STXBP5L: variants seen among roughly 807,000 people sequenced by gnomAD.
STXBP5L encodes the protein syntaxin-binding protein 5-like.
In STXBP5L, 65 loss-of-function variants were observed where a neutral mutation model predicts 144.5. The observed-to-expected ratio is 0.45, with a 90% CI of 0.37 to 0.55. The LOEUF (loss-of-function observed/expected upper bound fraction) is 0.55, where lower values mean the gene tolerates loss of function less well. Among genes scored for constraint, STXBP5L ranks in the 20% least tolerant of loss-of-function variants. The pLI, the probability that STXBP5L is intolerant of heterozygous loss-of-function variation, is 0.00. For missense variants in STXBP5L, 1,298 were observed against 1,405.5 expected (o/e 0.92, Z 1.22); for synonymous variants, 505 against 469.6 (o/e 1.08, Z -0.97).
At chr3:120,987,550 C>A (rs746276655) in intron 3 of STXBP5L, among the ~76,000 whole-genome samples, 1 of 151,212 alleles carries the variant, frequency 6.6e-6, no homozygotes, top group Admixed American at 6.6e-5. Context: ...CATTTATTTT[C>A]TTTCATTTCT....
At chr3:121,210,817 T>C (rs1339553509) in intron 10 of STXBP5L, among the ~76,000 whole-genome samples, 1 of 152,264 alleles carries the variant, frequency 6.6e-6, no homozygotes, top group Non-Finnish European at 1.5e-5. Flanking sequence ...AGTACCATGC[T>C]GTTTTGGTTA....
intron 7 of STXBP5L, among the ~76,000 whole-genome samples, chr3:121,136,998 G>A (rs2045286897): frequency 6.6e-6 from 1 of 152,160 alleles, no homozygotes; most frequent in Admixed American, 6.5e-5. Context: ...AATACTCCAT[G>A]TGCTCCTTAT....
intron 3 of STXBP5L, among the ~76,000 whole-genome samples, chr3:120,996,620 A>T (rs984625391): frequency 6.6e-6 from 1 of 152,102 alleles, no homozygotes; most frequent in Non-Finnish European, 1.5e-5. Flanking sequence ...CCATTTTCCC[A>T]GCCTCCTTGG....
intron 9 of STXBP5L, among the ~76,000 whole-genome samples, chr3:121,180,655 A>T (rs2047104931): frequency 6.6e-6 from 1 of 152,190 alleles, no homozygotes; most frequent in Non-Finnish European, 1.5e-5. Flanking sequence ...CAGGTGGATC[A>T]CTTGAGTTCA....
At chr3:121,395,491 C>A (rs919434713) in intron 22 of STXBP5L, among the ~76,000 whole-genome samples, 3 of 151,922 alleles carry the variant, frequency 2.0e-5, no homozygotes, top group Non-Finnish European at 4.4e-5. Flanking sequence ...AATATTCTTG[C>A]ATTTTTTTCT....
At chr3:121,332,341 GA>G (rs913816432) in intron 20 of STXBP5L, among the ~76,000 whole-genome samples, 14 of 90,174 alleles carry the variant, frequency 1.6e-4, no homozygotes, top group South Asian at 3.3e-4. Context: ...AAACTAACAT[GA>G]AAAAAAATTT....
At chr3:121,294,218 A>AAT (rs1264453490) in intron 19 of STXBP5L, among the ~76,000 whole-genome samples, 1 of 152,226 alleles carries the variant, frequency 6.6e-6, no homozygotes, top group African/African-American at 2.4e-5. Flanking sequence ...CTAGGGTGAT[A>AAT]GCAACGCTGT....
intron 10 of STXBP5L, among the ~76,000 whole-genome samples, chr3:121,222,241 CTG>C (rs1280040599): frequency 6.6e-6 from 1 of 152,004 alleles, no homozygotes; most frequent in Admixed American, 6.6e-5. Flanking sequence ...AAATGAAAAA[CTG>C]TGAAATGACT....
At chr3:121,261,862 G>A (rs2050393031) in intron 18 of STXBP5L, among the ~76,000 whole-genome samples, 1 of 152,144 alleles carries the variant, frequency 6.6e-6, no homozygotes. Flanking sequence ...GTCCATTTGG[G>A]CTGCTTAACA....
intron 5 of STXBP5L, among the ~76,000 whole-genome samples, chr3:121,108,638 T>C (rs898414116): frequency 6.6e-6 from 1 of 152,200 alleles, no homozygotes; most frequent in East Asian, 1.9e-4. Flanking sequence ...TGAGGGTTTT[T>C]GCATTGATGT....
At chr3:121,099,531 C>T (rs1213432410) in intron 5 of STXBP5L, 3 of 152,628 alleles carry the variant, frequency 2.0e-5, no homozygotes, top group Non-Finnish European at 2.9e-5. Context: ...AATTGAAACC[C>T]TGAACAGACC....
intron 9 of STXBP5L, among the ~76,000 whole-genome samples, chr3:121,180,793 G>C (rs933612323): frequency 6.6e-6 from 1 of 152,200 alleles, no homozygotes; most frequent in African/African-American, 2.4e-5. Context: ...AGAATCACTT[G>C]AACCTAGGAG....
At chr3:121,162,715 C>A (rs4676710) in intron 9 of STXBP5L, among the ~76,000 whole-genome samples, 77,635 of 151,834 alleles carry the variant, frequency 0.51, 20,289 homozygotes, top group Admixed American at 0.6. Context: ...AATTTAAACA[C>A]ATTTACAAGA....
chr3:121,308,146 G>A (rs2043405053), intron 19 of STXBP5L, among the ~76,000 whole-genome samples: 1 of 152,184 alleles, frequency 6.6e-6, no homozygotes, highest in Admixed American at 6.5e-5. Flanking sequence ...AATAACTAAT[G>A]CATGTGGGGC....
chr3:120,918,624 CCATTAT>C (rs1489717920), intron 2 of STXBP5L, among the ~76,000 whole-genome samples: 1 of 152,152 alleles, frequency 6.6e-6, no homozygotes, highest in Non-Finnish European at 1.5e-5. Context: ...ATCCTAAAGA[CCATTAT>C]CATAGTGAAG....
intron 14 of STXBP5L, among the ~76,000 whole-genome samples, chr3:121,250,212 G>A (rs1024341935): frequency 2.6e-5 from 4 of 151,902 alleles, no homozygotes; most frequent in African/African-American, 9.7e-5. Context: ...CATCAAAAGT[G>A]TTGGGAAGTA....
At chr3:121,300,452 C>G (rs1035265752) in intron 19 of STXBP5L, among the ~76,000 whole-genome samples, 2 of 151,962 alleles carry the variant, frequency 1.3e-5, no homozygotes, top group African/African-American at 4.8e-5. Context: ...GGATTTATAA[C>G]ATGTAGAAGT....
chr3:120,954,848 A>G, intron 2 of STXBP5L, 92 bp from the exon 3 acceptor site: 1 of 1,001,012 alleles, frequency 1.0e-6, no homozygotes, highest in Non-Finnish European at 1.4e-6. Flanking sequence ...CTTTAAACTA[A>G]TTTTAGACAT....
At chr3:120,995,286 C>T (rs545649624) in intron 3 of STXBP5L, among the ~76,000 whole-genome samples, 142 of 152,078 alleles carry the variant, frequency 9.3e-4, no homozygotes, top group Non-Finnish European at 1.8e-3. Flanking sequence ...TAGCTGGGAT[C>T]GCAGGAGTGT....
Sources: gnomAD v4.1 joint callset for allele counts (sites outside exome capture counted in the v4.1 genomes callset) on GRCh38, gnomAD v4.1.1 for gene constraint, MANE v1.5 for transcripts, NCBI Gene and HGNC (gene_info 2026-07-23, HGNC 2026-07-21) for gene names.